EPHA7: variants seen among roughly 807,000 people sequenced by gnomAD.
EPHA7 encodes the protein ephrin type-A receptor 7.
In EPHA7, 25 loss-of-function variants were observed where a neutral mutation model predicts 112.6. That is an observed-to-expected ratio of 0.22 (90% CI 0.16 to 0.31). The LOEUF is 0.31. EPHA7 is among the 10% of genes least tolerant of loss of function. The pLI, the probability that EPHA7 is intolerant of heterozygous loss-of-function variation, is 1.00. For synonymous variants in EPHA7, 437 were observed against 406.5 expected, an observed-to-expected ratio of 1.07 and a Z score of -0.90; for missense variants, 962 against 1,212.6, an observed-to-expected ratio of 0.79 and a Z score of 3.07.
chr6:93,316,697 T>G (rs1429272265), intron 5 of EPHA7, among the ~76,000 whole-genome samples: 1 of 152,112 alleles, frequency 6.6e-6, no homozygotes, highest in African/African-American at 2.4e-5. Context: ...CTAAGTAAAC[T>G]TAAAGCAAAA....
chr6:93,378,281 G>GT (rs1777160473), intron 3 of EPHA7, among the ~76,000 whole-genome samples: 1 of 152,130 alleles, frequency 6.6e-6, no homozygotes, highest in South Asian at 2.1e-4. Context: ...GTAAGATGTT[G>GT]TTTTTTCTAA....
At chr6:93,403,995 C>A (rs1054092720) in intron 3 of EPHA7, among the ~76,000 whole-genome samples, 5 of 152,024 alleles carry the variant, frequency 3.3e-5, no homozygotes, top group South Asian at 4.1e-4. Flanking sequence ...TATCTATGGG[C>A]ATGCTTAAGG....
chr6:93,260,494 T>C (rs1770638394), intron 9 of EPHA7: 1 of 939,850 alleles, frequency 1.1e-6, no homozygotes, highest in Non-Finnish European at 1.3e-6. Context: ...AAAAACTTTA[T>C]TGTTTTAACA....
At chr6:93,363,179 A>G (rs1028632818) in intron 3 of EPHA7, among the ~76,000 whole-genome samples, 3 of 152,152 alleles carry the variant, frequency 2.0e-5, no homozygotes, top group African/African-American at 7.2e-5. Context: ...TAGGGCCTAG[A>G]CATTTCTATA....
intron 3 of EPHA7, among the ~76,000 whole-genome samples, chr6:93,381,845 T>C (rs985194199): frequency 1.3e-5 from 2 of 152,096 alleles, no homozygotes; most frequent in African/African-American, 4.8e-5. Flanking sequence ...ACTTAAGTCA[T>C]CATCAGCAGT....
intron 1 of EPHA7, among the ~76,000 whole-genome samples, 196 bp from the exon 2 acceptor site, chr6:93,414,963 G>T (rs1290686593): frequency 2.0e-5 from 3 of 151,948 alleles, no homozygotes; most frequent in Non-Finnish European, 4.4e-5. Flanking sequence ...AAGATATTAA[G>T]ACACCAATAT....
intron 3 of EPHA7, among the ~76,000 whole-genome samples, chr6:93,375,688 CA>C (rs1364296221): frequency 4.7e-5 from 7 of 150,224 alleles, no homozygotes; most frequent in Admixed American, 6.6e-5. Flanking sequence ...ATTCACTAAT[CA>C]AAAAAGTAAT....
At chr6:93,417,771 G>A (rs1468609366) in intron 1 of EPHA7, among the ~76,000 whole-genome samples, 1 of 152,076 alleles carries the variant, frequency 6.6e-6, no homozygotes, top group Admixed American at 6.5e-5. Flanking sequence ...TCTAGCAGAT[G>A]TCCGTCCTTC....
At chr6:93,289,693 A>G (rs911474893) in intron 5 of EPHA7, among the ~76,000 whole-genome samples, 1 of 152,212 alleles carries the variant, frequency 6.6e-6, no homozygotes, top group African/African-American at 2.4e-5. Context: ...CTTAAGGTTT[A>G]CCTTATTTTA....
intron 3 of EPHA7, among the ~76,000 whole-genome samples, chr6:93,384,402 T>A (rs1414745967): frequency 6.6e-6 from 1 of 152,162 alleles, no homozygotes; most frequent in African/African-American, 2.4e-5. Context: ...TAGCCAAAAT[T>A]TAATCATTAT....
At chr6:93,397,907 T>G (rs533086529) in intron 3 of EPHA7, among the ~76,000 whole-genome samples, 1 of 152,100 alleles carries the variant, frequency 6.6e-6, no homozygotes, top group Non-Finnish European at 1.5e-5. Context: ...GTGTTTTGTT[T>G]TTCTAGTCAA....
At chr6:93,263,377 T>A (rs938137501) in intron 9 of EPHA7, among the ~76,000 whole-genome samples, 1 of 151,534 alleles carries the variant, frequency 6.6e-6, no homozygotes, top group East Asian at 1.9e-4. Context: ...ATGAATCTTA[T>A]TATTATACTA....
intron 5 of EPHA7, among the ~76,000 whole-genome samples, chr6:93,344,109 GTCTA>G (rs138000909): frequency 0.1 from 14,960 of 147,782 alleles, 736 homozygotes; most frequent in South Asian, 0.17. Context: ...AGAGATATAT[GTCTA>G]TCTATCTATC....
At chr6:93,377,625 G>A (rs565178317) in intron 3 of EPHA7, among the ~76,000 whole-genome samples, 1 of 151,814 alleles carries the variant, frequency 6.6e-6, no homozygotes, top group African/African-American at 2.4e-5. Flanking sequence ...TCTTATATCA[G>A]TGTCCCTATT....
intron 5 of EPHA7, among the ~76,000 whole-genome samples, chr6:93,338,423 T>C (rs1165549572): frequency 1.3e-5 from 2 of 152,162 alleles, no homozygotes; most frequent in South Asian, 4.1e-4. Context: ...CCTACAAAGT[T>C]ACAGAGGGAT....
chr6:93,315,167 T>A (rs1044571672), intron 5 of EPHA7, among the ~76,000 whole-genome samples: 38 of 151,996 alleles, frequency 2.5e-4, no homozygotes, highest in African/African-American at 8.9e-4. Flanking sequence ...TGGCCGACAA[T>A]ATAATTTTCT....
At chr6:93,373,207 T>C (rs1157058848) in intron 3 of EPHA7, among the ~76,000 whole-genome samples, 1 of 151,930 alleles carries the variant, frequency 6.6e-6, no homozygotes, top group Non-Finnish European at 1.5e-5. Flanking sequence ...TTATATTATA[T>C]TTAATTTTAT....
At chr6:93,379,991 C>T (rs1014035786) in intron 3 of EPHA7, among the ~76,000 whole-genome samples, 1 of 151,998 alleles carries the variant, frequency 6.6e-6, no homozygotes, top group South Asian at 2.1e-4. Flanking sequence ...GATTTTGTTT[C>T]TTTGTTTGTT....
intron 3 of EPHA7, among the ~76,000 whole-genome samples, chr6:93,360,432 C>G (rs1029302901): frequency 6.6e-6 from 1 of 152,060 alleles, no homozygotes; most frequent in Non-Finnish European, 1.5e-5. Context: ...AGTAGACATA[C>G]AGACAAATAA....
Sources: gnomAD v4.1 joint callset for allele counts (sites outside exome capture counted in the v4.1 genomes callset) on GRCh38, gnomAD v4.1.1 for gene constraint, MANE v1.5 for transcripts, NCBI Gene and HGNC (gene_info 2026-07-23, HGNC 2026-07-21) for gene names.